ASTN1: variants seen among roughly 807,000 people sequenced by gnomAD.
ASTN1 encodes the protein astrotactin 1, also known as astrotactin-1.
In ASTN1, 41 loss-of-function variants were observed where a neutral mutation model predicts 140.7. That is an observed-to-expected ratio of 0.29 (90% confidence interval 0.23 to 0.38). The LOEUF is 0.38. Ranked by LOEUF, ASTN1 falls within the 10% of genes least tolerant of loss-of-function variation. The pLI, the probability that ASTN1 is intolerant of heterozygous loss-of-function variation, is 1.00. For synonymous variants in ASTN1, 640 were observed against 652.2 expected, an observed-to-expected ratio of 0.98 and a Z score of 0.29; for missense variants, 1,479 against 1,678.8, an observed-to-expected ratio of 0.88 and a Z score of 2.08.
chr1:176,880,384 T>G (rs1668746403), intron 20 of ASTN1, among the ~76,000 whole-genome samples: 1 of 152,170 alleles, frequency 6.6e-6, no homozygotes, highest in African/African-American at 2.4e-5. Context: ...GCCTCCCTTT[T>G]TTCTGAATTA....
rs1678986175 is a variant in ASTN1, at chr1:177,077,759, T to A, written c.284-16494A>T. Among the ~76,000 whole-genome samples, 6 of 152,188 alleles carry A rather than the reference T, an allele frequency of 3.9e-5. No homozygotes were observed. The South Asian group carries it at 1.2e-3, about 32-fold the overall frequency. ...TGACTGTCAACTGCCCTCTCTGGGG[T>A]AAGCTGCCTCCTCCTTTAAAAGCCA... On this transcript the variant is annotated intron_variant, in intron 1 of 22. Coordinates refer to ENST00000361833, the MANE Select transcript of ASTN1 (RefSeq NM_004319.3).
At chr1:176,880,209 C>T (rs1027256495) in intron 20 of ASTN1, among the ~76,000 whole-genome samples, 2 of 152,196 alleles carry the variant, frequency 1.3e-5, no homozygotes, top group African/African-American at 2.4e-5. Flanking sequence ...TGTGTGAGTG[C>T]GCACCGACAC....
At chr1:177,072,505 G>A (rs928165893) in intron 1 of ASTN1, among the ~76,000 whole-genome samples, 1 of 152,194 alleles carries the variant, frequency 6.6e-6, no homozygotes, top group African/African-American at 2.4e-5. Flanking sequence ...CCATGGAAAC[G>A]TTGATTTAGC....
downstream of ASTN1, chr1:176,861,014 G>A (rs1420316555): frequency 2.3e-6 from 2 of 881,476 alleles, no homozygotes; most frequent in Non-Finnish European, 2.7e-6. Context: ...GTTCCCTGAT[G>A]AGTCTAACCA....
intron 1 of ASTN1, among the ~76,000 whole-genome samples, chr1:177,139,498 T>C (rs1372660014): frequency 1.3e-5 from 2 of 152,194 alleles, no homozygotes; most frequent in Non-Finnish European, 2.9e-5. Flanking sequence ...AAGCATATAA[T>C]TTAAATCAAG....
chr1:176,862,727 C>T lies in ASTN1; in HGVS notation c.*1557G>A. The T allele has an allele frequency of 4.3e-6, 4 of 927,190 alleles. No homozygotes were observed. Among genetic ancestry groups the T allele is most frequent in the Non-Finnish European group, 5.1e-6 (4 of 776,996 alleles). The allele number at this position is 927,190 out of a possible 1,614,324, so 57.4% of individuals were successfully genotyped here. On this transcript the variant is annotated 3_prime_UTR_variant, in exon 23 of 23. Transcript: ENST00000361833. ...CACTAAAATGGAGACAAGAATAGCA[C>T]TTTCCTCAGGAGTTGCTGTGAGAAT...
Position 177,030,820 on chromosome 1 carries a change from T to G in ASTN1, c.998A>C (p.Asn333Thr), listed in dbSNP as rs746961161. 20 of 1,614,036 alleles carry G rather than the reference T, an allele frequency of 1.2e-5. No homozygotes were observed. Among genetic ancestry groups the G allele is most frequent in the Middle Eastern group, 1.6e-4 (1 of 6,084 alleles). The part of the protein sequence containing the change: ...HTSSSQRKRI[N>T]NKARAGSAFL... ...GACATGCATACCTCTTGCTTTGTTG[T>G]TGATCCGCTTTCTCTGGCTGCTGGA... The change falls in exon 4 of 23, where the codon AAC (asparagine) becomes ACC (threonine). Residue 333 changes from asparagine to threonine, a missense_variant. Asn to Thr is a moderately conservative substitution (Grantham distance 65). Transcript: ENST00000361833.
chr1:176,989,713 T>C (rs1674071973), intron 8 of ASTN1, among the ~76,000 whole-genome samples: 1 of 152,142 alleles, frequency 6.6e-6, no homozygotes, highest in Admixed American at 6.5e-5. Context: ...GGCAGGGCCA[T>C]GACATTTTGC....
chr1:177,058,111 G>A (rs766259566), intron 2 of ASTN1, among the ~76,000 whole-genome samples: 1 of 152,190 alleles, frequency 6.6e-6, no homozygotes, highest in Admixed American at 6.5e-5. Flanking sequence ...TGTATGGAAT[G>A]GGAATTGAGG....
chr1:177,113,954 G>C (rs182140020), intron 1 of ASTN1, among the ~76,000 whole-genome samples: 99 of 152,316 alleles, frequency 6.5e-4, no homozygotes, highest in African/African-American at 2.2e-3. Context: ...AATAAGTGTA[G>C]TAGTTAGATA....
chr1:177,146,014 T>TA (rs1682706185), intron 1 of ASTN1, among the ~76,000 whole-genome samples: 3 of 152,106 alleles, frequency 2.0e-5, no homozygotes, highest in Admixed American at 2.0e-4. Context: ...AAGCCAGAAC[T>TA]AAGAAATTTT....
At chr1:177,005,382 G>A (rs1007395380) in intron 8 of ASTN1, among the ~76,000 whole-genome samples, 1 of 152,226 alleles carries the variant, frequency 6.6e-6, no homozygotes, top group Non-Finnish European at 1.5e-5. Context: ...TAGTGGGAAT[G>A]TAAATTGTAA....
intron 16 of ASTN1, among the ~76,000 whole-genome samples, chr1:176,920,337 T>C (rs868469619): frequency 3.8e-4 from 58 of 152,288 alleles, no homozygotes; most frequent in African/African-American, 1.2e-3. Flanking sequence ...AATGGACCTC[T>C]AGCAATCTAT....
chr1:176,983,370 T>G (rs1408120829), intron 8 of ASTN1, among the ~76,000 whole-genome samples: 1 of 152,142 alleles, frequency 6.6e-6, no homozygotes, highest in Admixed American at 6.5e-5. Flanking sequence ...CACAAGTTTC[T>G]CAATTTTCTT....
chr1:176,876,663 T>C (rs751617857), intron 20 of ASTN1, 26 bp from the exon 21 acceptor site: 61 of 1,609,100 alleles, frequency 3.8e-5, no homozygotes, highest in Non-Finnish European at 5.1e-5. Flanking sequence ...AGGGCATGGT[T>C]AGCAGAAACA....
intron 1 of ASTN1, among the ~76,000 whole-genome samples, chr1:177,091,883 T>C (rs1422060631): frequency 6.6e-6 from 1 of 152,192 alleles, no homozygotes; most frequent in Non-Finnish European, 1.5e-5. Flanking sequence ...TATGGCCAAA[T>C]AATAATACAT....
At chr1:177,014,688 C>T (rs1675454354) in intron 8 of ASTN1, 103 bp downstream of exon 8, 2 of 1,055,442 alleles carry the variant, frequency 1.9e-6, no homozygotes, top group East Asian at 2.5e-5. Context: ...CAGAATATAG[C>T]CACCCTTTAG....
At chr1:176,877,122 G>A (rs1668598774) in intron 20 of ASTN1, among the ~76,000 whole-genome samples, 1 of 152,206 alleles carries the variant, frequency 6.6e-6, no homozygotes, top group Non-Finnish European at 1.5e-5. Flanking sequence ...ACTTGGGTCT[G>A]AAGCCACATA....
At chr1:177,065,071 A>T (rs898129973) in intron 1 of ASTN1, among the ~76,000 whole-genome samples, 4 of 152,204 alleles carry the variant, frequency 2.6e-5, no homozygotes, top group African/African-American at 9.6e-5. Context: ...TTGGGAGGTG[A>T]TAGTTACGCC....
Sources: allele counts gnomAD v4.1 joint callset (sites outside exome capture counted in the v4.1 genomes callset), GRCh38; gene constraint gnomAD v4.1.1; transcripts MANE v1.5; gene names NCBI Gene and HGNC (gene_info 2026-07-23, HGNC 2026-07-21).